GPATCH2: variants seen among roughly 807,000 people sequenced by gnomAD.
The protein encoded by GPATCH2 is G patch domain-containing protein 2.
A neutral mutation model predicts 58.0 loss-of-function variants in GPATCH2; 51 were observed. The ratio of observed to expected loss-of-function variants is 0.88; its 90% CI spans 0.70 to 1.11. The LOEUF is 1.11. Among genes scored for constraint, GPATCH2 ranks in the 50% most tolerant of loss-of-function variants. The pLI, the probability that GPATCH2 is intolerant of heterozygous loss-of-function variation, is 0.00. For missense variants in GPATCH2, 625 were observed against 652.2 expected, an observed-to-expected ratio of 0.96 and a Z score of 0.45; for synonymous variants, 222 against 218.5, an observed-to-expected ratio of 1.02 and a Z score of -0.14.
intron 1 of GPATCH2, among the ~76,000 whole-genome samples, chr1:217,622,598 C>T (rs1256025034): frequency 6.6e-6 from 1 of 152,218 alleles, no homozygotes; most frequent in Non-Finnish European, 1.5e-5. Context: ...GGCTGAAGTG[C>T]AGTGGCATGA....
chr1:217,590,938 A>AATG (rs1423564677), intron 5 of GPATCH2, among the ~76,000 whole-genome samples: 1 of 152,248 alleles, frequency 6.6e-6, no homozygotes, highest in Non-Finnish European at 1.5e-5. Context: ...TCAGCTAGAG[A>AATG]GAATTCAGGT....
At position 217,628,372 on chromosome 1, in the gene GPATCH2, A is replaced by G. The variant is rs1205292049; in HGVS notation, c.56+2544T>C. On this transcript the variant is annotated intron_variant, in intron 1 of 9. Transcript: ENST00000366935. ...ACAACGTAAAGGCTTCCAGCTTGAC[A>G]TAAATATGGATGCTAAGAAGCTATA... Among the ~76,000 whole-genome samples, 3 of 152,226 alleles carry G rather than the reference A, an allele frequency of 2.0e-5. No individual in the cohort carries two copies. In the East Asian group the frequency reaches 5.8e-4, roughly 29 times the overall value.
intron 5 of GPATCH2, among the ~76,000 whole-genome samples, chr1:217,544,030 T>C (rs542591834): frequency 3.7e-4 from 57 of 152,320 alleles, no homozygotes; most frequent in Non-Finnish European, 5.9e-4. Context: ...TATACTTGAG[T>C]TACTACCTTT....
intron 9 of GPATCH2, among the ~76,000 whole-genome samples, chr1:217,437,673 G>T (rs533353673): frequency 6.6e-6 from 1 of 152,234 alleles, no homozygotes; most frequent in Non-Finnish European, 1.5e-5. Context: ...TAGCCAGACT[G>T]CCTCTCTAGA....
chr1:217,459,690 G>A lies in GPATCH2; in HGVS notation c.1278-10353C>T, dbSNP rs114828235. On this transcript the variant is annotated intron_variant, in intron 8 of 9. Coordinates refer to ENST00000366935, the MANE Select transcript of GPATCH2 (RefSeq NM_018040.5). ...TTTGATAATGACACTATTATTAAAT[G>A]TTTCCTAGGATGCTATGGTTGCCAT... is the stretch of plus-strand genomic sequence containing the variant. Among the ~76,000 whole-genome samples, 428 of 152,164 alleles carry A rather than the reference G, an allele frequency of 2.8e-3. 1 individual carries two copies. Among genetic ancestry groups the A allele is most frequent in the Non-Finnish European group, 4.0e-3 (275 of 67,990 alleles).
chr1:217,442,262 G>A (rs1186470063), intron 9 of GPATCH2, among the ~76,000 whole-genome samples: 5 of 152,110 alleles, frequency 3.3e-5, no homozygotes, highest in East Asian at 1.9e-4. Context: ...AGCACCATAT[G>A]TTCTCACTCA....
rs148072749 is a variant in GPATCH2, at chr1:217,565,064, A to G, written c.1098+45257T>C. Reference sequence around the variant, plus strand: ...CTCCTGTGTTGTCATGAATAGGCTGATCAACAAATTTTACATTCAACTCTA... The same window carrying G: ...CTCCTGTGTTGTCATGAATAGGCTGGTCAACAAATTTTACATTCAACTCTA... On this transcript the variant is annotated intron_variant, in intron 5 of 9. Coordinates refer to ENST00000366935, the MANE Select transcript of GPATCH2 (RefSeq NM_018040.5). 3.8e-4 allele frequency among the ~76,000 whole-genome samples: 58 copies of G among 152,300 alleles called. No homozygotes were observed. The East Asian group carries it at 0.011, about 29-fold the overall frequency.
chr1:217,452,914 C>A (rs1420325037), intron 8 of GPATCH2, among the ~76,000 whole-genome samples: 1 of 152,170 alleles, frequency 6.6e-6, no homozygotes, highest in Non-Finnish European at 1.5e-5. Flanking sequence ...GTCTGCTACA[C>A]AGCATTGAGA....
intron 9 of GPATCH2, among the ~76,000 whole-genome samples, chr1:217,445,541 C>T (rs867884320): frequency 1.2e-4 from 18 of 152,006 alleles, no homozygotes; most frequent in Middle Eastern, 3.2e-3. Context: ...CTTCTTGCTT[C>T]GATAGTTCTC....
intron 5 of GPATCH2, among the ~76,000 whole-genome samples, chr1:217,587,602 G>C (rs1239412450): frequency 1.3e-5 from 2 of 152,146 alleles, no homozygotes; most frequent in Non-Finnish European, 2.9e-5. Flanking sequence ...TGTATGAACA[G>C]TAGTGTGAAA....
At chr1:217,601,592 G>A (rs1668111211) in intron 5 of GPATCH2, among the ~76,000 whole-genome samples, 1 of 152,032 alleles carries the variant, frequency 6.6e-6, no homozygotes, top group South Asian at 2.1e-4. Flanking sequence ...CTTCTTGAAT[G>A]AACAGGTATG....
intron 5 of GPATCH2, among the ~76,000 whole-genome samples, chr1:217,591,519 T>C (rs1667590880): frequency 6.6e-6 from 1 of 152,120 alleles, no homozygotes; most frequent in Non-Finnish European, 1.5e-5. Context: ...CCCTGGCTAA[T>C]ATCTTATTAT....
chr1:217,497,429 G>A (rs1052800056), intron 7 of GPATCH2, among the ~76,000 whole-genome samples: 8 of 151,894 alleles, frequency 5.3e-5, no homozygotes, highest in Non-Finnish European at 1.2e-4. Flanking sequence ...AAAATGGAAG[G>A]TATTTCTATT....
chr1:217,630,926 C>T lies in GPATCH2; in HGVS notation c.46G>A (p.Gly16Arg), dbSNP rs866369208. 25 of 1,589,396 alleles carry T rather than the reference C, an allele frequency of 1.6e-5. No homozygotes were observed. The highest frequency in any genetic ancestry group is 8.0e-5 in the African/African-American group (6 of 74,550). The change falls in exon 1 of 10, where the codon GGG becomes AGG. Residue 16 changes from glycine (G) to arginine (R), a missense_variant. Coordinates refer to ENST00000366935, the MANE Select transcript of GPATCH2 (RefSeq NM_018040.5). The stretch of plus-strand genomic sequence containing the variant: ...GGCCGCCAGCCTCACCAGCTGTTCC[C>T]GGCTGCTGGAGCTCCGATCGGTTGG... ...GRQPIGAPAAGNSWHFSRTME... is the reference protein window; with the variant it reads ...GRQPIGAPAARNSWHFSRTME...
chr1:217,485,082 T>G (rs1301187288), intron 8 of GPATCH2, among the ~76,000 whole-genome samples: 1 of 151,986 alleles, frequency 6.6e-6, no homozygotes, highest in African/African-American at 2.4e-5. Flanking sequence ...AGTAGGAAAG[T>G]TGGTGGAGTA....
chr1:217,589,060 T>G (rs1257814895), intron 5 of GPATCH2, among the ~76,000 whole-genome samples: 1 of 152,166 alleles, frequency 6.6e-6, no homozygotes, highest in Non-Finnish European at 1.5e-5. Flanking sequence ...AGGTGAAAAG[T>G]GAGCCTTCCA....
chr1:217,518,236 T>C lies in GPATCH2; in HGVS notation c.1099-3347A>G, dbSNP rs533869021. Among the ~76,000 whole-genome samples, 19 of 152,212 alleles carry C rather than the reference T, an allele frequency of 1.2e-4. No individual in the cohort carries two copies. The East Asian group carries it at 3.7e-3, about 29-fold the overall frequency. On this transcript the variant is annotated intron_variant, in intron 5 of 9. Transcript: ENST00000366935. ...CTTAGATTTTGCTGTTGTTTAAATATTATCAGTCTCAGGAAATAAGAATGT... is the reference window on the plus strand; with the variant it reads ...CTTAGATTTTGCTGTTGTTTAAATACTATCAGTCTCAGGAAATAAGAATGT...
chr1:217,599,395 A>G (rs550953563), intron 5 of GPATCH2, among the ~76,000 whole-genome samples: 14 of 152,192 alleles, frequency 9.2e-5, no homozygotes, highest in Non-Finnish European at 1.6e-4. Flanking sequence ...ACACCAGGGT[A>G]GTGACAGATG....
chr1:217,628,682 TAAA>T (rs553392606), intron 1 of GPATCH2, among the ~76,000 whole-genome samples: 3 of 131,134 alleles, frequency 2.3e-5, no homozygotes, highest in African/African-American at 2.8e-5. Flanking sequence ...ATAATAAAGT[TAAA>T]AAAAAAAAAA....
Sources: allele counts gnomAD v4.1 joint callset (sites outside exome capture counted in the v4.1 genomes callset), GRCh38; gene constraint gnomAD v4.1.1; transcripts MANE v1.5; gene names NCBI Gene and HGNC (gene_info 2026-07-23, HGNC 2026-07-21).